SCGN: variants seen among roughly 807,000 people sequenced by gnomAD.
SCGN encodes secretagogin, EF-hand calcium binding protein.
SCGN carries 30 observed loss-of-function variants against 39.7 expected under a neutral mutation model. That is an observed-to-expected ratio of 0.76 (90% CI 0.57 to 1.03). The LOEUF is 1.03. SCGN is among the 50% of genes least tolerant of loss of function. The probability of loss-of-function intolerance (pLI) is 0.00; values close to 1 mark genes in which losing one functional copy is unlikely to be tolerated. For missense variants in SCGN, 353 were observed against 349.4 expected, an observed-to-expected ratio of 1.01 and a Z score of -0.08; for synonymous variants, 106 against 114.1, an observed-to-expected ratio of 0.93 and a Z score of 0.45.
intron 3 of SCGN, among the ~76,000 whole-genome samples, chr6:25,662,787 T>C (rs1278185808): frequency 6.6e-6 from 1 of 152,184 alleles, no homozygotes; most frequent in Non-Finnish European, 1.5e-5. Context: ...TTATACTGGA[T>C]GTAAAAGTAT....
At chr6:25,666,455 A>G (rs1760427040) in intron 4 of SCGN, among the ~76,000 whole-genome samples, 2 of 152,350 alleles carry the variant, frequency 1.3e-5, no homozygotes, top group East Asian at 1.9e-4. Flanking sequence ...ATAATGTTGC[A>G]TCGTCACTTA....
At chr6:25,681,462 G>C (rs142477651) in intron 6 of SCGN, among the ~76,000 whole-genome samples, 1 of 152,152 alleles carries the variant, frequency 6.6e-6, no homozygotes, top group Non-Finnish European at 1.5e-5. Flanking sequence ...TGTGGTAGTC[G>C]TTGCTGCTAT....
At chr6:25,699,945 T>C (rs900563509) in intron 10 of SCGN, among the ~76,000 whole-genome samples, 4 of 152,100 alleles carry the variant, frequency 2.6e-5, no homozygotes, top group Non-Finnish European at 4.4e-5. Context: ...CTTGGATCTA[T>C]TTTAAATTTA....
At chr6:25,681,546 G>T (rs1759637314) in intron 6 of SCGN, among the ~76,000 whole-genome samples, 1 of 152,158 alleles carries the variant, frequency 6.6e-6, no homozygotes, top group Non-Finnish European at 1.5e-5. Context: ...GGTAGCTGTG[G>T]CCAGGGATCT....
rs762323642 is a variant in SCGN at position 25,701,307 on chromosome 6, T to C, written c.803T>C (p.Leu268Ser). The change falls in exon 11 of 11, where the codon TTG (leucine) becomes TCG (serine). Residue 268 changes from leucine (L) to serine (S), a missense_variant. Coordinates refer to ENST00000377961, the MANE Select transcript of SCGN (RefSeq NM_006998.4). ...AAAATTCAGAAGTCTGAGCTGGCTT[T>C]GTGTCTTGGGCTGAAAATCAACCCA... ...DGKIQKSELA[L>S]CLGLKINP 14 of 1,613,084 alleles carry C rather than the reference T, an allele frequency of 8.7e-6. No individual in the cohort carries two copies. Among genetic ancestry groups the C allele is most frequent in the Admixed American group, 3.3e-5 (2 of 59,856 alleles).
chr6:25,688,456 A>G (rs187544574), intron 7 of SCGN, among the ~76,000 whole-genome samples: 1 of 152,248 alleles, frequency 6.6e-6, no homozygotes, highest in Non-Finnish European at 1.5e-5. Flanking sequence ...GGCTCTGTGT[A>G]TGTGTTAGGG....
intron 10 of SCGN, among the ~76,000 whole-genome samples, chr6:25,700,558 G>A (rs1485314180): frequency 6.6e-6 from 1 of 152,130 alleles, no homozygotes; most frequent in African/African-American, 2.4e-5. Context: ...TTGTAAAAGA[G>A]GTGGAATTAT....
intron 6 of SCGN, among the ~76,000 whole-genome samples, chr6:25,677,954 G>T (rs2151380333): frequency 6.6e-6 from 1 of 152,268 alleles, no homozygotes; most frequent in East Asian, 1.9e-4. Context: ...AAGTGATTTT[G>T]CATTTTACAA....
At chr6:25,679,740 T>G (rs1378790635) in intron 6 of SCGN, among the ~76,000 whole-genome samples, 1 of 152,186 alleles carries the variant, frequency 6.6e-6, no homozygotes, top group Non-Finnish European at 1.5e-5. Flanking sequence ...TTATATTTCT[T>G]TAGGGGAAAT....
chr6:25,652,466 G>A lies in SCGN; in HGVS notation c.63G>A (p.Trp21Ter). Reference protein sequence around the residue: ...RLDAAGFWQVWQRFDADEKGY... With the variant: ...RLDAAGFWQV Reference sequence around the variant, plus strand: ...ACGCCGCTGGCTTCTGGCAGGTCTGGCAGCGCTTTGATGCGGATGGTGAGT... The same window carrying A: ...ACGCCGCTGGCTTCTGGCAGGTCTGACAGCGCTTTGATGCGGATGGTGAGT... Residue 21 changes from tryptophan to a stop codon, truncating the protein, a stop_gained, in exon 1 of 11, where the codon TGG (tryptophan) becomes TGA (stop). Transcript: ENST00000377961. LOFTEE classifies it high-confidence loss of function. 3.7e-6 allele frequency: 6 copies of A among 1,614,014 alleles called. No individual in the cohort carries two copies. Among genetic ancestry groups the A allele is most frequent in the Non-Finnish European group, 5.1e-6 (6 of 1,180,000 alleles).
chr6:25,684,140 C>T (rs967588512), intron 7 of SCGN, among the ~76,000 whole-genome samples: 11 of 152,108 alleles, frequency 7.2e-5, no homozygotes, highest in Admixed American at 2.0e-4. Context: ...TCTGTAGAGG[C>T]GGGTTTGCTA....
chr6:25,675,917 C>T (rs966463834), intron 6 of SCGN, among the ~76,000 whole-genome samples: 1 of 152,212 alleles, frequency 6.6e-6, no homozygotes, highest in Non-Finnish European at 1.5e-5. Flanking sequence ...CAGACCACTT[C>T]TCTAAACCTC....
At chr6:25,689,050 T>A (rs770248352) in intron 7 of SCGN, 122 bp from the exon 8 acceptor site, 3 of 607,072 alleles carry the variant, frequency 4.9e-6, no homozygotes, top group Non-Finnish European at 8.5e-6. Context: ...AAGTTCTGTC[T>A]TTCAAGTACC....
intron 10 of SCGN, among the ~76,000 whole-genome samples, chr6:25,695,260 A>C (rs977806363): frequency 1.3e-5 from 2 of 152,204 alleles, no homozygotes; most frequent in Admixed American, 1.3e-4. Flanking sequence ...TGACACTTAA[A>C]AAAGCACTGT....
chr6:25,652,534 G>C, intron 1 of SCGN, 49 bp downstream of exon 1: 1 of 1,564,342 alleles, frequency 6.4e-7, no homozygotes, highest in Non-Finnish European at 8.8e-7. Context: ...GTGGCTCCAA[G>C]CTCAGCCCGC....
chr6:25,699,612 A>G (rs1365805207), intron 10 of SCGN, among the ~76,000 whole-genome samples: 1 of 150,086 alleles, frequency 6.7e-6, no homozygotes, highest in East Asian at 1.9e-4. Flanking sequence ...AAAAAAAAAG[A>G]AAAGAAAATG....
intron 6 of SCGN, among the ~76,000 whole-genome samples, chr6:25,680,346 C>T (rs1355025183): frequency 6.6e-6 from 1 of 152,184 alleles, no homozygotes; most frequent in Admixed American, 6.5e-5. Context: ...GAAGAGCAGA[C>T]ACAGCCGAAT....
intron 7 of SCGN, among the ~76,000 whole-genome samples, chr6:25,684,503 C>G (rs142296167): frequency 6.6e-6 from 1 of 152,174 alleles, no homozygotes; most frequent in East Asian, 1.9e-4. Flanking sequence ...ATAAAGATGT[C>G]CACGTCTTAG....
At chr6:25,653,841 G>GT (rs1313661001) in intron 2 of SCGN, among the ~76,000 whole-genome samples, 1 of 152,176 alleles carries the variant, frequency 6.6e-6, no homozygotes, top group South Asian at 2.1e-4. Flanking sequence ...TGTTTAATAT[G>GT]TATGATACTC....
Sources: allele counts gnomAD v4.1 joint callset (sites outside exome capture counted in the v4.1 genomes callset), GRCh38; gene constraint gnomAD v4.1.1; transcripts MANE v1.5; gene names NCBI Gene and HGNC (gene_info 2026-07-23, HGNC 2026-07-21).